CCDC126: variants seen among roughly 807,000 people sequenced by gnomAD.
CCDC126 encodes coiled-coil domain containing 126.
A neutral mutation model predicts 11.7 loss-of-function variants in CCDC126; 5 were observed. That is an observed-to-expected ratio of 0.43 (90% CI 0.22 to 0.90). The LOEUF (loss-of-function observed/expected upper bound fraction) is 0.90. CCDC126 is among the 40% of genes least tolerant of loss of function. The probability of loss-of-function intolerance (pLI) is 0.27; values close to 1 mark genes in which losing one functional copy is unlikely to be tolerated. For synonymous variants in CCDC126, 60 were observed against 61.9 expected (o/e 0.97, Z 0.14); for missense variants, 150 against 163.1 (o/e 0.92, Z 0.44).
chr7:23,619,541 T>C, intron 3 of CCDC126: 2 of 291,172 alleles, frequency 6.9e-6, no homozygotes, highest in South Asian at 8.6e-5. Flanking sequence ...TACTACATCC[T>C]TGTTGATACC....
At chr7:23,598,598 G>A (rs1488577545) in intron 2 of CCDC126, 1 of 152,218 alleles carries the variant, frequency 6.6e-6, no homozygotes, top group Non-Finnish European at 1.5e-5. Flanking sequence ...TGTTTCGTCA[G>A]AGTAGGCATC....
chr7:23,606,686 C>T (rs1277513697), intron 2 of CCDC126, among the ~76,000 whole-genome samples: 1 of 152,130 alleles, frequency 6.6e-6, no homozygotes, highest in Non-Finnish European at 1.5e-5. Flanking sequence ...GTGACTTCTG[C>T]AGTTGGTTGA....
chr7:23,602,154 C>T (rs770521572), intron 2 of CCDC126: 7 of 151,950 alleles, frequency 4.6e-5, no homozygotes, highest in East Asian at 1.9e-4. Flanking sequence ...CACTTTTCTC[C>T]GAAGATCTTG....
At chr7:23,634,290 A>G (rs1246825592) in intron 3 of CCDC126, among the ~76,000 whole-genome samples, 1 of 152,114 alleles carries the variant, frequency 6.6e-6, no homozygotes, top group Non-Finnish European at 1.5e-5. Flanking sequence ...TACAAAAATT[A>G]GCCCAGCATG....
chr7:23,636,433 C>T (rs919926152), intron 3 of CCDC126, among the ~76,000 whole-genome samples: 5 of 150,580 alleles, frequency 3.3e-5, no homozygotes, highest in Admixed American at 2.0e-4. Flanking sequence ...TCTTCGCCGC[C>T]GCCATCCCAT....
At chr7:23,620,195 C>T (rs1782867731) in intron 3 of CCDC126, among the ~76,000 whole-genome samples, 1 of 152,166 alleles carries the variant, frequency 6.6e-6, no homozygotes, top group South Asian at 2.1e-4. Flanking sequence ...TACAGTCCCA[C>T]CAACAGTGTA....
chr7:23,601,736 T>G (rs1192707354), intron 2 of CCDC126: 2 of 152,144 alleles, frequency 1.3e-5, no homozygotes, highest in Non-Finnish European at 2.9e-5. Flanking sequence ...TGAGATAGAG[T>G]CTCTGTCACC....
chr7:23,600,163 C>T (rs1318309447), intron 2 of CCDC126, among the ~76,000 whole-genome samples: 2 of 152,146 alleles, frequency 1.3e-5, no homozygotes, highest in Non-Finnish European at 1.5e-5. Flanking sequence ...TTATCCCTGC[C>T]TCACTTTACC....
Position 23,624,790 on chromosome 7 carries a change from T to C in CCDC126, c.238+13237T>C, listed in dbSNP as rs181073642. Among the ~76,000 whole-genome samples the C allele has an allele frequency of 2.6e-5, 4 of 152,358 alleles. 1 individual carries two copies. Among genetic ancestry groups the C allele is most frequent in the Admixed American group, 2.6e-4 (4 of 15,294 alleles). On this transcript the variant is annotated intron_variant, in intron 3 of 3. Coordinates refer to ENST00000307471, the MANE Select transcript of CCDC126 (RefSeq NM_138771.4). ...TTTCACTAAGTTACTGTAAATATACTTCCATTTTATACACATAGGTCTATT... is the reference window on the plus strand; with the variant it reads ...TTTCACTAAGTTACTGTAAATATACCTCCATTTTATACACATAGGTCTATT...
rs369329943 is a variant in CCDC126, at chr7:23,628,992, G to C, written c.239-13939G>C. ...ACAAGGTGGCACCCCTCCCCTGCCA[G>C]AGTGGTGTTAGAGAAAACCACCTAA... is the stretch of plus-strand genomic sequence containing the variant. On this transcript the variant is annotated intron_variant, in intron 3 of 3. Coordinates refer to ENST00000307471, the MANE Select transcript of CCDC126 (RefSeq NM_138771.4). 1.8e-4 allele frequency among the ~76,000 whole-genome samples: 28 copies of C among 152,172 alleles called. 2 individuals are homozygous for C. In the East Asian group the frequency reaches 3.3e-3, roughly 18 times the overall value.
At chr7:23,615,482 C>T (rs1374280449) in intron 3 of CCDC126, among the ~76,000 whole-genome samples, 1 of 152,234 alleles carries the variant, frequency 6.6e-6, no homozygotes, top group African/African-American at 2.4e-5. Flanking sequence ...TGGAGTAGCA[C>T]TTTTAATTCT....
In CCDC126 at chr7:23,611,307, T is replaced by G. The variant is rs1402857351; in HGVS notation, c.-9T>G. 6.4e-7 allele frequency: 1 copy of G among 1,559,570 alleles called. No individual in the cohort carries two copies. The highest frequency in any genetic ancestry group is 1.4e-5 in the African/African-American group (1 of 73,724). On this transcript the variant is annotated 5_prime_UTR_variant, in exon 3 of 4. Coordinates refer to ENST00000307471, the MANE Select transcript of CCDC126 (RefSeq NM_138771.4). ...TTTCAGTCAAGTCTGTTTGTTTGCT[T>G]CTTCAGAAATGTTTTTTACAATCTC... is the stretch of plus-strand genomic sequence containing the variant.
chr7:23,624,664 T>G (rs1782982088), intron 3 of CCDC126, among the ~76,000 whole-genome samples: 1 of 152,234 alleles, frequency 6.6e-6, no homozygotes, highest in Non-Finnish European at 1.5e-5. Context: ...CAGCTGTAGT[T>G]TTCCAACCTG....
intron 3 of CCDC126, among the ~76,000 whole-genome samples, chr7:23,614,751 T>C (rs1159994814): frequency 1.3e-5 from 2 of 152,210 alleles, no homozygotes; most frequent in African/African-American, 4.8e-5. Flanking sequence ...GTTGGGTGAC[T>C]GGGCACATTG....
chr7:23,630,839 C>G (rs1300802400), intron 3 of CCDC126, among the ~76,000 whole-genome samples: 2 of 148,556 alleles, frequency 1.3e-5, no homozygotes, highest in Non-Finnish European at 3.0e-5. Flanking sequence ...TGAGTATATT[C>G]TCTGACCACA....
At chr7:23,628,821 A>G (rs1318411619) in intron 3 of CCDC126, among the ~76,000 whole-genome samples, 1 of 152,202 alleles carries the variant, frequency 6.6e-6, no homozygotes, top group Non-Finnish European at 1.5e-5. Flanking sequence ...CCCAGTGAGT[A>G]TGAGGCCATC....
chr7:23,619,224 C>A, intron 3 of CCDC126: 1 of 181,064 alleles, frequency 5.5e-6, no homozygotes, highest in Non-Finnish European at 1.1e-5. Flanking sequence ...GCATGCTGGG[C>A]TTAATACCTA....
chr7:23,640,123 C>T (rs1317367994), intron 3 of CCDC126, among the ~76,000 whole-genome samples: 1 of 151,648 alleles, frequency 6.6e-6, no homozygotes, highest in East Asian at 1.9e-4. Context: ...GTGGAGGTTG[C>T]AGTGATCCGA....
In CCDC126 at chr7:23,611,536, C is replaced by T; in HGVS notation, c.221C>T (p.Ala74Val). ...NKNTVDVENG[A>V]SMAGYADLKR... ...AACACAGTGGATGTCGAGAACGGTG[C>T]TTCTATGGCAGGATATGGTAAGATA... The change falls in exon 3 of 4, where the codon GCT (alanine) becomes GTT (valine). Residue 74 changes from alanine to valine, a missense_variant. Transcript: ENST00000307471. 6.2e-7 allele frequency: 1 copy of T among 1,605,900 alleles called. No homozygotes were observed.
Sources: gnomAD v4.1 joint callset for allele counts (sites outside exome capture counted in the v4.1 genomes callset) on GRCh38, gnomAD v4.1.1 for gene constraint, MANE v1.5 for transcripts, NCBI Gene and HGNC (gene_info 2026-07-23, HGNC 2026-07-21) for gene names.